Variants in WWOX observed in about 807,000 individuals in gnomAD.
WWOX encodes the protein WW domain-containing oxidoreductase.
Under a neutral mutation model 46.2 loss-of-function variants are expected in WWOX, and 69 were observed. The ratio of observed to expected loss-of-function variants is 1.49; its 90% CI spans 1.23 to 1.82. WWOX has a LOEUF of 1.82. Ranked by LOEUF, WWOX falls within the 40% of genes most tolerant of loss-of-function variation. WWOX has a pLI of 0.00. For synonymous variants in WWOX, 359 were observed against 202.6 expected (o/e 1.77, Z -6.56); for missense variants, 919 against 542.6 (o/e 1.69, Z -6.89).
At chr16:79,091,406 C>T (rs1292375733) in intron 8 of WWOX, among the ~76,000 whole-genome samples, 1 of 152,062 alleles carries the variant, frequency 6.6e-6, no homozygotes, top group African/African-American at 2.4e-5. Context: ...TTGAAGGCTG[C>T]CAGGCAGTAG....
chr16:78,653,953 A>T (rs1328339327), intron 8 of WWOX, among the ~76,000 whole-genome samples: 1 of 152,224 alleles, frequency 6.6e-6, no homozygotes, highest in Non-Finnish European at 1.5e-5. Flanking sequence ...CACACTGCAG[A>T]TATTCTTACA....
chr16:78,594,437 C>G (rs751564698), intron 8 of WWOX, among the ~76,000 whole-genome samples: 1 of 67,018 alleles, frequency 1.5e-5, no homozygotes, highest in Non-Finnish European at 3.3e-5. Flanking sequence ...AGGCCCCCCC[C>G]CCCCCCCCGC....
intron 8 of WWOX, among the ~76,000 whole-genome samples, chr16:78,694,545 G>C (rs916500879): frequency 3.9e-5 from 6 of 152,110 alleles, no homozygotes; most frequent in African/African-American, 1.4e-4. Flanking sequence ...CTTTGCCTCT[G>C]GTAGCAGCCT....
At chr16:78,794,618 G>A (rs1053724354) in intron 8 of WWOX, among the ~76,000 whole-genome samples, 9 of 152,126 alleles carry the variant, frequency 5.9e-5, no homozygotes, top group Non-Finnish European at 1.3e-4. Context: ...ATCTTCATGT[G>A]GTCAGCACAA....
chr16:79,017,392 T>C (rs974688913), intron 8 of WWOX: 3 of 116,074 alleles, frequency 2.6e-5, no homozygotes, highest in East Asian at 2.9e-4. Flanking sequence ...ATCGCTTCAC[T>C]GCACTCCAGC....
intron 8 of WWOX, among the ~76,000 whole-genome samples, chr16:78,495,049 T>C (rs1289071071): frequency 6.6e-6 from 1 of 152,184 alleles, no homozygotes; most frequent in African/African-American, 2.4e-5. Flanking sequence ...GGATGTTTCA[T>C]TGATTTATAT....
chr16:79,141,946 T>C (rs1264648704), intron 8 of WWOX, among the ~76,000 whole-genome samples: 1 of 152,182 alleles, frequency 6.6e-6, no homozygotes, highest in Admixed American at 6.5e-5. Context: ...TCTTGGCTAT[T>C]GTGATAAGCC....
chr16:78,630,909 T>A (rs1417446318), intron 8 of WWOX, among the ~76,000 whole-genome samples: 1 of 152,194 alleles, frequency 6.6e-6, no homozygotes, highest in Non-Finnish European at 1.5e-5. Flanking sequence ...ATATGTAGAT[T>A]TAACTAATGA....
intron 5 of WWOX, among the ~76,000 whole-genome samples, chr16:78,225,432 C>G (rs560788528): frequency 6.3e-4 from 96 of 152,132 alleles, no homozygotes; most frequent in African/African-American, 2.2e-3. Context: ...TTTTGTTTTA[C>G]TTTTGTCTTT....
At chr16:78,776,418 C>A (rs755715701) in intron 8 of WWOX, among the ~76,000 whole-genome samples, 1 of 151,816 alleles carries the variant, frequency 6.6e-6, no homozygotes, top group African/African-American at 2.4e-5. Context: ...ACCTACTGTT[C>A]GTCAGTTTTC....
intron 5 of WWOX, among the ~76,000 whole-genome samples, chr16:78,367,855 C>A (rs553606456): frequency 6.6e-6 from 1 of 152,028 alleles, no homozygotes; most frequent in Non-Finnish European, 1.5e-5. Context: ...CTCCCGAGTT[C>A]AAGCTATTCT....
chr16:78,968,311 G>T lies in WWOX; in HGVS notation c.1057-243297G>T, dbSNP rs571348927. Among the ~76,000 whole-genome samples the T allele has an allele frequency of 3.9e-5, 6 of 152,262 alleles. No individual in the cohort carries two copies. In the South Asian group the frequency reaches 1.2e-3, roughly 32 times the overall value. On this transcript the variant is annotated intron_variant, in intron 8 of 8. Transcript: ENST00000566780. The stretch of plus-strand genomic sequence containing the variant: ...GTCCTACCCGTAGGAATCCAACAGG[G>T]AACTGTCACCACCGACCCGAGGCAG...
chr16:78,982,232 C>A (rs1446524590), intron 8 of WWOX, among the ~76,000 whole-genome samples: 1 of 152,214 alleles, frequency 6.6e-6, no homozygotes, highest in Non-Finnish European at 1.5e-5. Flanking sequence ...AATTTGCATT[C>A]CTTCCAACTG....
chr16:78,733,140 A>T (rs1481318573), intron 8 of WWOX, among the ~76,000 whole-genome samples: 1 of 152,118 alleles, frequency 6.6e-6, no homozygotes, highest in Non-Finnish European at 1.5e-5. Flanking sequence ...TTACGTTCAT[A>T]TTTACTTATG....
At chr16:78,834,716 A>T (rs1430696086) in intron 8 of WWOX, among the ~76,000 whole-genome samples, 4 of 152,182 alleles carry the variant, frequency 2.6e-5, no homozygotes, top group Non-Finnish European at 5.9e-5. Flanking sequence ...TAATTTATAG[A>T]TACAGGTACA....
chr16:78,934,064 G>A (rs751600166), intron 8 of WWOX, among the ~76,000 whole-genome samples: 5 of 151,872 alleles, frequency 3.3e-5, no homozygotes, highest in South Asian at 2.1e-4. Flanking sequence ...GGCCGGGCAC[G>A]GTGGCTCATG....
At chr16:78,149,485 A>T (rs553262014) in intron 4 of WWOX, among the ~76,000 whole-genome samples, 1 of 152,232 alleles carries the variant, frequency 6.6e-6, no homozygotes, top group Non-Finnish European at 1.5e-5. Flanking sequence ...TTGCCAATGC[A>T]TCACTGTCTG....
At chr16:78,583,972 C>T (rs2045129700) in intron 8 of WWOX, among the ~76,000 whole-genome samples, 1 of 152,212 alleles carries the variant, frequency 6.6e-6, no homozygotes, top group Admixed American at 6.5e-5. Flanking sequence ...CCAAACACTT[C>T]AAGAAGGAAA....
At chr16:78,968,301 A>G (rs537888600) in intron 8 of WWOX, among the ~76,000 whole-genome samples, 2 of 152,336 alleles carry the variant, frequency 1.3e-5, no homozygotes, top group East Asian at 1.9e-4. Context: ...ACCCGTAGGA[A>G]TCCAACAGGG....
Sources: allele counts gnomAD v4.1 joint callset (sites outside exome capture counted in the v4.1 genomes callset), GRCh38; gene constraint gnomAD v4.1.1; transcripts MANE v1.5; gene names NCBI Gene and HGNC (gene_info 2026-07-23, HGNC 2026-07-21).